Variants in WDR19 observed in about 807,000 individuals in gnomAD.
WDR19 encodes the protein WD repeat domain 19.
Under a neutral mutation model 180.0 loss-of-function variants are expected in WDR19, and 121 were observed. The ratio of observed to expected loss-of-function variants is 0.67; its 90% CI spans 0.58 to 0.78. The LOEUF (loss-of-function observed/expected upper bound fraction) is 0.78, where lower values mean the gene tolerates loss of function less well. WDR19 is among the 30% of genes least tolerant of loss of function. The pLI is 0.00. For synonymous variants in WDR19, 497 were observed against 540.7 expected, an observed-to-expected ratio of 0.92 and a Z score of 1.12; for missense variants, 1,450 against 1,640.7, an observed-to-expected ratio of 0.88 and a Z score of 2.01.
chr4:39,234,987 G>GA (rs1325304515), intron 20 of WDR19, 112 bp downstream of exon 20: 5 of 638,514 alleles, frequency 7.8e-6, no homozygotes, highest in Admixed American at 2.9e-5. Context: ...TTTTTTTAGA[G>GA]AAAAAATACT....
At chr4:39,214,048 C>G (rs1160620223) in intron 9 of WDR19, among the ~76,000 whole-genome samples, 1 of 152,180 alleles carries the variant, frequency 6.6e-6, no homozygotes, top group Non-Finnish European at 1.5e-5. Flanking sequence ...TTGTACTACA[C>G]AACTTTCATT....
intron 24 of WDR19, among the ~76,000 whole-genome samples, chr4:39,248,681 A>G (rs1161930595): frequency 6.6e-6 from 1 of 152,118 alleles, no homozygotes; most frequent in Non-Finnish European, 1.5e-5. Context: ...ATGGAAAACA[A>G]AAAAAAGGCA....
chr4:39,244,583 A>G, intron 23 of WDR19, 31 bp downstream of exon 23: 1 of 1,613,214 alleles, frequency 6.2e-7, no homozygotes, highest in East Asian at 2.2e-5. Flanking sequence ...GTTTCTGAAC[A>G]GGATTGGAAA....
intron 15 of WDR19, among the ~76,000 whole-genome samples, chr4:39,225,985 A>G (rs1270797606): frequency 6.6e-6 from 1 of 152,202 alleles, no homozygotes; most frequent in Non-Finnish European, 1.5e-5. Flanking sequence ...TGCAAAGCAA[A>G]TGAGGATGAC....
intron 3 of WDR19, 76 bp from the exon 4 acceptor site, chr4:39,189,580 G>C: frequency 7.6e-7 from 1 of 1,316,462 alleles, no homozygotes; most frequent in Non-Finnish European, 1.0e-6. Flanking sequence ...GAATAATCTT[G>C]TTATAGACAA....
chr4:39,228,484 A>C lies in WDR19; in HGVS notation c.1778-2A>C, dbSNP rs1730514795. 1 of 1,613,574 alleles carries C rather than the reference A, an allele frequency of 6.2e-7. No individual in the cohort carries two copies. Among genetic ancestry groups the C allele is most frequent in the South Asian group, 1.1e-5 (1 of 90,966 alleles). On this transcript the variant is annotated splice_acceptor_variant, in intron 16 of 36. Coordinates refer to ENST00000399820, the MANE Select transcript of WDR19 (RefSeq NM_025132.4). LOFTEE classifies it high-confidence loss of function. ...CATTGCGATGTCTGTTTTATAATGT[A>C]GGAGCCAAGGTTATTTTGGCTGGTA...
intron 21 of WDR19, among the ~76,000 whole-genome samples, chr4:39,243,648 C>T (rs1732201370): frequency 6.6e-6 from 1 of 152,140 alleles, no homozygotes; most frequent in African/African-American, 2.4e-5. Context: ...CTCTGTTGCA[C>T]CAGCCATATT....
chr4:39,234,969 T>C (rs1362242731), intron 20 of WDR19, 94 bp downstream of exon 20: 1 of 697,948 alleles, frequency 1.4e-6, no homozygotes, highest in African/African-American at 1.8e-5. Flanking sequence ...CCTCCATTGA[T>C]TTAATAATTT....
chr4:39,228,922 C>T (rs758994859), intron 17 of WDR19, among the ~76,000 whole-genome samples: 17 of 152,166 alleles, frequency 1.1e-4, no homozygotes, highest in Non-Finnish European at 2.1e-4. Context: ...ACACTGTACC[C>T]AGTGGGTAGT....
intron 24 of WDR19, among the ~76,000 whole-genome samples, chr4:39,251,644 A>T (rs1010357954): frequency 7.2e-5 from 11 of 151,930 alleles, no homozygotes; most frequent in Non-Finnish European, 1.5e-4. Context: ...GAATCTACAA[A>T]GAACTCAAAC....
chr4:39,277,995 A>T, intron 34 of WDR19, 136 bp from the exon 35 acceptor site: 1 of 699,750 alleles, frequency 1.4e-6, no homozygotes, highest in South Asian at 1.8e-5. Flanking sequence ...TGGAGGTTGC[A>T]GACAGCCAAC....
rs143581674 is a variant in WDR19, at chr4:39,214,843, G to A, written c.961+172G>A. On this transcript the variant is annotated intron_variant, in intron 10 of 36. Coordinates refer to ENST00000399820, the MANE Select transcript of WDR19 (RefSeq NM_025132.4). ...GATGGAATGCAATGGCATGATCTCT[G>A]CTCACTGCAACCTCCACCTCCCAGG... Among the ~76,000 whole-genome samples, 723 of 148,680 alleles carry A rather than the reference G, an allele frequency of 4.9e-3. 7 individuals are homozygous for A. The highest frequency in any genetic ancestry group is 0.017 in the African/African-American group (692 of 40,166).
At chr4:39,245,600 CTA>C in intron 24 of WDR19, 148 bp downstream of exon 24, 3 of 721,138 alleles carry the variant, frequency 4.2e-6, no homozygotes, top group Non-Finnish European at 6.9e-6. Flanking sequence ...AAGTGCCAGA[CTA>C]TTAAAATCCT....
chr4:39,284,447 T>C (rs1235028706), intron 36 of WDR19, among the ~76,000 whole-genome samples: 1 of 150,710 alleles, frequency 6.6e-6, no homozygotes, highest in Non-Finnish European at 1.5e-5. Context: ...CAAATGATCT[T>C]CCTGCCTCAG....
chr4:39,284,737 T>C (rs1371282456), intron 36 of WDR19, among the ~76,000 whole-genome samples: 1 of 152,112 alleles, frequency 6.6e-6, no homozygotes, highest in Admixed American at 6.5e-5. Context: ...ACCTTGTATT[T>C]TTAAAAAACA....
Position 39,240,314 on chromosome 4 carries a change from G to A in WDR19, c.2401G>A (p.Gly801Arg). 5 of 1,428,970 alleles carry A rather than the reference G, an allele frequency of 3.5e-6. No homozygotes were observed. Among genetic ancestry groups the A allele is most frequent in the Non-Finnish European group, 3.7e-6 (4 of 1,087,696 alleles). 88.5% of individuals were successfully genotyped at this position (1,428,970 alleles called of 1,614,324 possible). ...YVNALAHYEK[G>R]ITGDNKEHDE... ...AAATGCTTTGGCTCATTATGAGAAA[G>A]GAATAACAGGTGATAATAAGGTAAC... The change falls in exon 21 of 37, where the codon GGA (glycine) becomes AGA (arginine). Residue 801 changes from glycine (G) to arginine (R), a missense_variant. Coordinates refer to ENST00000399820, the MANE Select transcript of WDR19 (RefSeq NM_025132.4).
intron 23 of WDR19, 98 bp downstream of exon 23, chr4:39,244,650 A>G: frequency 2.3e-6 from 3 of 1,301,306 alleles, no homozygotes; most frequent in Non-Finnish European, 3.3e-6. Flanking sequence ...CTCTCTGTCC[A>G]TTCTGTTCCC....
chr4:39,243,174 A>G (rs1219727906), intron 21 of WDR19, among the ~76,000 whole-genome samples: 1 of 152,196 alleles, frequency 6.6e-6, no homozygotes, highest in Non-Finnish European at 1.5e-5. Flanking sequence ...TTAGCTACCT[A>G]TGATAGTATT....
intron 30 of WDR19, among the ~76,000 whole-genome samples, chr4:39,268,303 C>G (rs1400408974): frequency 6.6e-6 from 1 of 152,142 alleles, no homozygotes; most frequent in Non-Finnish European, 1.5e-5. Context: ...CTAAGACCAT[C>G]TCTTGTCAAG....
Sources: allele counts gnomAD v4.1 joint callset (sites outside exome capture counted in the v4.1 genomes callset), GRCh38; gene constraint gnomAD v4.1.1; transcripts MANE v1.5; gene names NCBI Gene and HGNC (gene_info 2026-07-23, HGNC 2026-07-21).